The following POFUT2 variants were observed in gnomAD, a reference collection of about 807,000 sequenced individuals.
POFUT2 encodes the protein protein O-fucosyltransferase 2, also known as GDP-fucose protein O-fucosyltransferase 2.
A neutral mutation model predicts 55.0 loss-of-function variants in POFUT2; 30 were observed. That is an observed-to-expected ratio of 0.55 (90% CI 0.41 to 0.74). The LOEUF (loss-of-function observed/expected upper bound fraction) is 0.74. Ranked by LOEUF, POFUT2 falls within the 30% of genes least tolerant of loss-of-function variation. The probability of loss-of-function intolerance (pLI) is 0.00; values close to 1 mark genes in which losing one functional copy is unlikely to be tolerated. For synonymous variants in POFUT2, 267 were observed against 231.1 expected, an observed-to-expected ratio of 1.16 and a Z score of -1.41; for missense variants, 524 against 562.6, an observed-to-expected ratio of 0.93 and a Z score of 0.69.
intron 1 of POFUT2, among the ~76,000 whole-genome samples, chr21:45,287,201 C>A (rs1316565626): frequency 7.4e-6 from 1 of 135,880 alleles, no homozygotes; most frequent in African/African-American, 2.9e-5. Flanking sequence ...GCCCCGGCCC[C>A]TGCCCCTGCC....
Position 45,270,164 on chromosome 21 carries a change from T to G in POFUT2, c.832-145A>C. On this transcript the variant is annotated intron_variant, in intron 6 of 8. Coordinates refer to ENST00000349485, the MANE Select transcript of POFUT2 (RefSeq NM_133635.6). The surrounding 1 kb of genome is among the most constrained non-coding windows in gnomAD (Gnocchi z 4.6). ...GTGGCTCCAGGGCTGTCTAAGGGAT[T>G]CAGGTGGAATCTCGGGGGCGACCAG... The G allele has an allele frequency of 4.5e-6, 2 of 446,404 alleles. No homozygotes were observed. The highest frequency in any genetic ancestry group is 7.6e-6 in the Non-Finnish European group (2 of 264,324). The allele number at this position is 446,404 out of a possible 1,614,324, so 27.7% of individuals were successfully genotyped here. A position where few individuals can be genotyped will look rare whatever the true frequency, so the allele number is the denominator to read the frequency against.
Position 45,282,127 on chromosome 21 carries a change from C to G in POFUT2, c.638+222G>C, listed in dbSNP as rs921132003. Reference sequence around the variant, plus strand: ...CGGGCCGAGCCCTCACCTCTGTGCCCCTCACCCGCTGTCCACGTCACCCAC... The same window carrying G: ...CGGGCCGAGCCCTCACCTCTGTGCCGCTCACCCGCTGTCCACGTCACCCAC... On this transcript the variant is annotated intron_variant, in intron 4 of 8. Transcript: ENST00000349485. The surrounding 1 kb of genome is among the most constrained non-coding windows in gnomAD (Gnocchi z 4.6). Among the ~76,000 whole-genome samples, 1 of 152,140 alleles carries G rather than the reference C, an allele frequency of 6.6e-6. No individual in the cohort carries two copies. Among genetic ancestry groups the G allele is most frequent in the Non-Finnish European group, 1.5e-5 (1 of 68,010 alleles).
chr21:45,286,717 A>G (rs556314418), intron 1 of POFUT2, among the ~76,000 whole-genome samples: 4 of 152,260 alleles, frequency 2.6e-5, no homozygotes, highest in African/African-American at 9.6e-5. Context: ...CAAGGGCTAC[A>G]GAAACCCTGT....
rs976731717 is a variant in POFUT2, at chr21:45,285,335, G to A, written c.382+343C>T. ...CCACACGCAGTGCGTCTTCCTGAAC[G>A]TAAAACAGCCTTTCGCACAGGGAGC... On this transcript the variant is annotated intron_variant, in intron 2 of 8. Coordinates refer to ENST00000349485, the MANE Select transcript of POFUT2 (RefSeq NM_133635.6). The surrounding 1 kb of genome is among the most constrained non-coding windows in gnomAD (Gnocchi z 4.9). The A allele has an allele frequency of 3.6e-5, 13 of 360,204 alleles. No homozygotes were observed. The highest frequency in any genetic ancestry group is 7.8e-5 in the Admixed American group (2 of 25,798). The allele number at this position is 360,204 out of a possible 1,614,324, so 22.3% of individuals were successfully genotyped here.
intron 4 of POFUT2, among the ~76,000 whole-genome samples, chr21:45,279,853 G>A (rs1023771715): frequency 1.3e-5 from 2 of 152,236 alleles, no homozygotes; most frequent in African/African-American, 4.8e-5. Context: ...TGGGTGGGAA[G>A]AAAGGGCAAA....
In POFUT2 at chr21:45,267,679, C is replaced by T; in HGVS notation, c.1047G>A (p.Met349Ile). 6.2e-7 allele frequency: 1 copy of T among 1,614,192 alleles called. No homozygotes were observed. Among genetic ancestry groups the T allele is most frequent in the Non-Finnish European group, 8.5e-7 (1 of 1,180,026 alleles). Residue 349 changes from methionine (M) to isoleucine (I), a missense_variant, in exon 8 of 9, where the codon ATG (methionine) becomes ATA (isoleucine). Coordinates refer to ENST00000349485, the MANE Select transcript of POFUT2 (RefSeq NM_133635.6). This position sits in a 1 kb window ranked among gnomAD's most constrained non-coding sequence, Gnocchi z 4.4. ...CCTCCCACGTGGGTTCAAACCTCACCATCTCGGGTAACAGCTTTTTTAGCT... is the reference window on the plus strand; with the variant it reads ...CCTCCCACGTGGGTTCAAACCTCACTATCTCGGGTAACAGCTTTTTTAGCT... ...YEELKKLLPE[M>I]VRFEPTWEEL...
rs993501592 is a variant in POFUT2, at chr21:45,270,100, G to C, written c.832-81C>G. 8.6e-7 allele frequency: 1 copy of C among 1,160,634 alleles called. No individual in the cohort carries two copies. The highest frequency in any genetic ancestry group is 2.7e-5 in the East Asian group (1 of 36,472). The allele number at this position is 1,160,634 out of a possible 1,614,324, so 71.9% of individuals were successfully genotyped here. ...CTGGGCACCGGGTGGGACTCGAGAC[G>C]CAGAGGGATGACCCTTTCCATGTGG... On this transcript the variant is annotated intron_variant, in intron 6 of 8. Transcript: ENST00000349485. This position sits in a 1 kb window ranked among gnomAD's most constrained non-coding sequence, Gnocchi z 4.6.
At position 45,267,862 on chromosome 21, in the gene POFUT2, C is replaced by A; in HGVS notation, c.1013-149G>T. 1.4e-6 allele frequency: 1 copy of A among 696,804 alleles called. No individual in the cohort carries two copies. The highest frequency in any genetic ancestry group is 2.5e-5 in the East Asian group (1 of 39,684). 43.2% of individuals were successfully genotyped at this position (696,804 alleles called of 1,614,324 possible). ...GTGCAGACACACAACTCAGCTTTAC[C>A]CTCCCAGGAATTACAGTTGAAGATC... On this transcript the variant is annotated intron_variant, in intron 7 of 8. Transcript: ENST00000349485. This position sits in a 1 kb window ranked among gnomAD's most constrained non-coding sequence, Gnocchi z 4.4.
Position 45,270,705 on chromosome 21 carries a change from A to T in POFUT2, c.832-686T>A, listed in dbSNP as rs2146573830. The stretch of plus-strand genomic sequence containing the variant: ...CTGGAACCCATGGCTGGGAGACCCG[A>T]AGACGGATCACAGCACAGGACTCTC... On this transcript the variant is annotated intron_variant, in intron 6 of 8. Coordinates refer to ENST00000349485, the MANE Select transcript of POFUT2 (RefSeq NM_133635.6). The surrounding 1 kb of genome is among the most constrained non-coding windows in gnomAD (Gnocchi z 4.6). Among the ~76,000 whole-genome samples, 2 of 152,308 alleles carry T rather than the reference A, an allele frequency of 1.3e-5. No homozygotes were observed. The highest frequency in any genetic ancestry group is 4.1e-4 in the South Asian group (2 of 4,822).
At position 45,285,846 on chromosome 21, in the gene POFUT2, T is replaced by A; in HGVS notation, c.214A>T (p.Thr72Ser). 7.4e-6 allele frequency: 12 copies of A among 1,613,180 alleles called. No homozygotes were observed. Among genetic ancestry groups the A allele is most frequent in the Non-Finnish European group, 8.5e-6 (10 of 1,179,936 alleles). ...ACCCACTCCTCCGTCTTCAGCAGAG[T>A]CTTCAGGAGAGAGGCGATTCGGATA... is the stretch of plus-strand genomic sequence containing the variant. ...VYIRIASLLKTLLKTEEWVLV... is the reference protein window; with the variant it reads ...VYIRIASLLKSLLKTEEWVLV... The change falls in exon 2 of 9, where the codon ACT (threonine) becomes TCT (serine). Residue 72 changes from threonine to serine, a missense_variant. By Grantham distance (58) the Thr-to-Ser change is moderately conservative. Transcript: ENST00000349485. This position sits in a 1 kb window ranked among gnomAD's most constrained non-coding sequence, Gnocchi z 4.9.
rs200851304 is a variant in POFUT2, at chr21:45,268,971, C to T, written c.1012+868G>A. The stretch of plus-strand genomic sequence containing the variant: ...CCGGGAGGTGAGGGGCGCCTCTGCC[C>T]GGCCGCCCCTACTGGGAAGCAAAGA... On this transcript the variant is annotated intron_variant, in intron 7 of 8. Coordinates refer to ENST00000349485, the MANE Select transcript of POFUT2 (RefSeq NM_133635.6). Among the ~76,000 whole-genome samples the T allele has an allele frequency of 1.1e-4, 10 of 89,738 alleles. 3 individuals carry two copies. In the East Asian group the frequency reaches 3.7e-3, roughly 33 times the overall value. The allele number at this position is 89,738 out of a possible 152,430, so 58.9% of individuals were successfully genotyped here. A position where few individuals can be genotyped will look rare whatever the true frequency, so the allele number is the denominator to read the frequency against.
rs1400109066 is a variant in POFUT2 at position 45,270,996 on chromosome 21, C to A, written c.832-977G>T. 6.6e-6 allele frequency among the ~76,000 whole-genome samples: 1 copy of A among 152,098 alleles called. No individual in the cohort carries two copies. Among genetic ancestry groups the A allele is most frequent in the East Asian group, 1.9e-4 (1 of 5,192 alleles). On this transcript the variant is annotated intron_variant, in intron 6 of 8. Coordinates refer to ENST00000349485, the MANE Select transcript of POFUT2 (RefSeq NM_133635.6). The surrounding 1 kb of genome is among the most constrained non-coding windows in gnomAD (Gnocchi z 4.6). ...TATGACAAAACAAGGTTCTATAGTA[C>A]CCCCAAAAGATCATAGTAGCTCCCC...
Position 45,285,552 on chromosome 21 carries a change from A to T in POFUT2, c.382+126T>A. 8.8e-7 allele frequency: 1 copy of T among 1,141,470 alleles called. No homozygotes were observed. The highest frequency in any genetic ancestry group is 1.3e-5 in the South Asian group (1 of 78,922). The allele number at this position is 1,141,470 out of a possible 1,614,324, so 70.7% of individuals were successfully genotyped here. On this transcript the variant is annotated intron_variant, in intron 2 of 8. Coordinates refer to ENST00000349485, the MANE Select transcript of POFUT2 (RefSeq NM_133635.6). The surrounding 1 kb of genome is among the most constrained non-coding windows in gnomAD (Gnocchi z 4.9). ...GCTGCCACAGGCCTCAGGCAGCAGC[A>T]CTGGGCACTGGAGGATGCTGGTGAG...
At position 45,264,115 on chromosome 21, in the gene POFUT2, C is replaced by T. The variant is rs1184043586; in HGVS notation, c.*1367G>A. The T allele has an allele frequency of 6.6e-6, 1 of 152,122 alleles. No homozygotes were observed. Among genetic ancestry groups the T allele is most frequent in the African/African-American group, 2.4e-5 (1 of 41,392 alleles). The allele number at this position is 152,122 out of a possible 1,614,324, so 9.4% of individuals were successfully genotyped here. ...ACAGCTTTGAGTAACACCATAGGAC[C>T]CTGTCACACGTTCAGGGTCAATTTT... On this transcript the variant is annotated 3_prime_UTR_variant, in exon 9 of 9. Coordinates refer to ENST00000349485, the MANE Select transcript of POFUT2 (RefSeq NM_133635.6).
At chr21:45,274,291 AAC>A (rs753247623) in intron 6 of POFUT2, among the ~76,000 whole-genome samples, 1 of 152,198 alleles carries the variant, frequency 6.6e-6, no homozygotes, top group Non-Finnish European at 1.5e-5. Context: ...AAAATTACAA[AAC>A]ACTGCTGAAA....
chr21:45,285,462 C>T lies in POFUT2; in HGVS notation c.382+216G>A, dbSNP rs978797294. On this transcript the variant is annotated intron_variant, in intron 2 of 8. Coordinates refer to ENST00000349485, the MANE Select transcript of POFUT2 (RefSeq NM_133635.6). The surrounding 1 kb of genome is among the most constrained non-coding windows in gnomAD (Gnocchi z 4.9). ...AGCTCATCCACTTCAGGTCCATTTC[C>T]GAGAAACATTTTGGGAAGCTCACTG... 6.3e-6 allele frequency: 4 copies of T among 630,114 alleles called. No homozygotes were observed. Among genetic ancestry groups the T allele is most frequent in the South Asian group, 3.2e-5 (2 of 63,206 alleles). The allele number at this position is 630,114 out of a possible 1,614,324, so 39.0% of individuals were successfully genotyped here.
At chr21:45,272,402 A>G (rs1266251062) in intron 6 of POFUT2, among the ~76,000 whole-genome samples, 2 of 152,250 alleles carry the variant, frequency 1.3e-5, no homozygotes, top group African/African-American at 2.4e-5. Flanking sequence ...TACCAAATTT[A>G]TAAAACAATT....
chr21:45,276,366 C>T (rs938516358), intron 6 of POFUT2, among the ~76,000 whole-genome samples: 1 of 151,982 alleles, frequency 6.6e-6, no homozygotes, highest in African/African-American at 2.4e-5. Context: ...GAATGCTATT[C>T]CACTTGGAAA....
chr21:45,276,977 CTT>C lies in POFUT2; in HGVS notation c.831+38_831+39del, dbSNP rs1005385102. 4.4e-6 allele frequency: 7 copies of C among 1,608,446 alleles called. No individual in the cohort carries two copies. The African/African-American group carries it at 8.0e-5, about 18-fold the overall frequency. ...TGAGTGTGGGGCATCTCCAGAGAGA[CTT>C]TACCTTTTCTCTAATTAACAAAAGG... On this transcript the variant is annotated intron_variant, in intron 6 of 8. Transcript: ENST00000349485.
Sources: gnomAD v4.1 joint callset for allele counts (sites outside exome capture counted in the v4.1 genomes callset) on GRCh38, gnomAD v4.1.1 for gene constraint, Gnocchi (gnomAD v3.1) non-coding constraint, MANE v1.5 for transcripts, NCBI Gene and HGNC (gene_info 2026-07-23, HGNC 2026-07-21) for gene names.